NAV2: variants seen among roughly 807,000 people sequenced by gnomAD.
The protein encoded by NAV2 is helicase, APC down-regulated 1.
NAV2 carries 54 observed loss-of-function variants against 223.2 expected under a neutral mutation model. That is an observed-to-expected ratio of 0.24 (90% confidence interval 0.19 to 0.30). The LOEUF is 0.30. NAV2 is among the 10% of genes least tolerant of loss of function. NAV2 has a pLI of 1.00. For synonymous variants in NAV2, 1,279 were observed against 1,239.3 expected, an observed-to-expected ratio of 1.03 and a Z score of -0.67; for missense variants, 2,806 against 3,147.5, an observed-to-expected ratio of 0.89 and a Z score of 2.60.
At chr11:19,781,854 A>T (rs2152682711) in intron 1 of NAV2, among the ~76,000 whole-genome samples, 1 of 152,256 alleles carries the variant, frequency 6.6e-6, no homozygotes, top group East Asian at 1.9e-4. Context: ...TGATCTATGC[A>T]TACATTATGA....
At chr11:19,554,082 G>T (rs571460645) in intron 1 of NAV2, among the ~76,000 whole-genome samples, 14 of 152,212 alleles carry the variant, frequency 9.2e-5, no homozygotes, top group Non-Finnish European at 1.9e-4. Context: ...GAAATTCTGC[G>T]CTCTAAGCCA....
intron 3 of NAV2, among the ~76,000 whole-genome samples, chr11:19,848,974 CT>C (rs2060961890): frequency 6.6e-6 from 1 of 152,194 alleles, no homozygotes; most frequent in African/African-American, 2.4e-5. Context: ...ACTTCACTTC[CT>C]TCTGTGAGAA....
intron 3 of NAV2, among the ~76,000 whole-genome samples, chr11:19,865,979 GT>G (rs1295565219): frequency 4.6e-5 from 7 of 152,182 alleles, no homozygotes; most frequent in Non-Finnish European, 7.3e-5. Context: ...GGACCTCCTG[GT>G]TTCTCACCCA....
At chr11:19,750,609 G>C (rs1397611183) in intron 1 of NAV2, among the ~76,000 whole-genome samples, 4 of 152,180 alleles carry the variant, frequency 2.6e-5, no homozygotes, top group Non-Finnish European at 5.9e-5. Flanking sequence ...ATTCCCCAAA[G>C]TAGGAAGTTA....
intron 1 of NAV2, among the ~76,000 whole-genome samples, chr11:19,596,595 C>A (rs2046212174): frequency 6.6e-6 from 1 of 152,204 alleles, no homozygotes; most frequent in Non-Finnish European, 1.5e-5. Flanking sequence ...CTCCCACTGC[C>A]CCGGACACCA....
intron 1 of NAV2, among the ~76,000 whole-genome samples, chr11:19,516,306 C>T (rs1230743391): frequency 6.6e-6 from 1 of 152,146 alleles, no homozygotes; most frequent in Non-Finnish European, 1.5e-5. Flanking sequence ...AAGTTTGAGC[C>T]CCACAATACC....
intron 22 of NAV2, among the ~76,000 whole-genome samples, chr11:20,071,393 C>T (rs565194610): frequency 6.6e-6 from 1 of 152,196 alleles, no homozygotes; most frequent in Non-Finnish European, 1.5e-5. Flanking sequence ...CAAATCTTTG[C>T]TATTGTGAAC....
intron 1 of NAV2, among the ~76,000 whole-genome samples, chr11:19,620,276 G>GT (rs1226184953): frequency 6.6e-6 from 1 of 152,168 alleles, no homozygotes; most frequent in Non-Finnish European, 1.5e-5. Context: ...CTTTAAAGTA[G>GT]TTTTTTCCAA....
At chr11:19,409,579 C>T (rs1850052294) in intron 1 of NAV2, among the ~76,000 whole-genome samples, 1 of 152,156 alleles carries the variant, frequency 6.6e-6, no homozygotes, top group African/African-American at 2.4e-5. Flanking sequence ...ATGGTGAAGG[C>T]TGTCAGCAGA....
chr11:19,655,632 A>G (rs1162267248), intron 1 of NAV2, among the ~76,000 whole-genome samples: 3 of 151,476 alleles, frequency 2.0e-5, no homozygotes, highest in Non-Finnish European at 4.4e-5. Context: ...TTAGCAAACT[A>G]TTGCAAGGAC....
chr11:20,051,493 G>GT (rs891663040), intron 17 of NAV2, among the ~76,000 whole-genome samples, 160 bp downstream of exon 17: 17 of 152,190 alleles, frequency 1.1e-4, no homozygotes, highest in African/African-American at 4.1e-4. Flanking sequence ...GCACCCTCTC[G>GT]TTCTCACTCT....
At chr11:19,917,837 G>A (rs781170366) in intron 6 of NAV2, among the ~76,000 whole-genome samples, 3 of 152,180 alleles carry the variant, frequency 2.0e-5, no homozygotes, top group African/African-American at 4.8e-5. Flanking sequence ...AGCTGGTCTC[G>A]AACTCCTGAC....
intron 3 of NAV2, among the ~76,000 whole-genome samples, chr11:19,865,534 C>T (rs560568797): frequency 1.3e-5 from 2 of 152,052 alleles, no homozygotes; most frequent in African/African-American, 4.8e-5. Flanking sequence ...GATGAAAGAG[C>T]GTGGGTCTCG....
chr11:19,679,180 A>G (rs1441472186), intron 1 of NAV2, among the ~76,000 whole-genome samples: 1 of 152,198 alleles, frequency 6.6e-6, no homozygotes, highest in Non-Finnish European at 1.5e-5. Flanking sequence ...CCTGTAATCC[A>G]AACACTTTGG....
chr11:19,680,021 G>GTA (rs1341494464), intron 1 of NAV2, among the ~76,000 whole-genome samples: 1 of 152,222 alleles, frequency 6.6e-6, no homozygotes, highest in Non-Finnish European at 1.5e-5. Context: ...GACATCCTGG[G>GTA]CACAGTGGGC....
intron 1 of NAV2, among the ~76,000 whole-genome samples, chr11:19,686,261 T>C (rs776490693): frequency 6.6e-6 from 1 of 152,192 alleles, no homozygotes; most frequent in Admixed American, 6.5e-5. Flanking sequence ...GTTCCCTTGC[T>C]TTTCCTTTGA....
intron 10 of NAV2, among the ~76,000 whole-genome samples, chr11:19,968,367 C>T (rs545894517): frequency 7.2e-5 from 11 of 152,144 alleles, no homozygotes; most frequent in Non-Finnish European, 1.3e-4. Flanking sequence ...CAGGCACATA[C>T]CACCACACTC....
chr11:19,953,858 C>CACGTGT (rs1555167223), intron 10 of NAV2, among the ~76,000 whole-genome samples: 5 of 150,524 alleles, frequency 3.3e-5, no homozygotes, highest in African/African-American at 4.9e-5. Flanking sequence ...CACGCGCGCG[C>CACGTGT]GTGTGTGTGT....
chr11:19,804,938 G>A (rs1362617775), intron 1 of NAV2, among the ~76,000 whole-genome samples: 1 of 152,198 alleles, frequency 6.6e-6, no homozygotes, highest in Non-Finnish European at 1.5e-5. Flanking sequence ...CTGGAAAGAG[G>A]TGGGTCTTTA....
Sources: allele counts gnomAD v4.1 joint callset (sites outside exome capture counted in the v4.1 genomes callset), GRCh38; gene constraint gnomAD v4.1.1; transcripts MANE v1.5; gene names NCBI Gene and HGNC (gene_info 2026-07-23, HGNC 2026-07-21).